Variants in MAGI2 observed in about 807,000 individuals in gnomAD.
MAGI2 encodes the protein membrane-associated guanylate kinase, WW and PDZ domain-containing protein 2.
Under a neutral mutation model 133.3 loss-of-function variants are expected in MAGI2, and 35 were observed. That is an observed-to-expected ratio of 0.26 (90% CI 0.20 to 0.35). MAGI2 has a LOEUF of 0.35. MAGI2 is among the 10% of genes least tolerant of loss of function. The pLI is 1.00. For synonymous variants in MAGI2, 729 were observed against 710.6 expected, an observed-to-expected ratio of 1.03 and a Z score of -0.41; for missense variants, 1,636 against 1,863.4, an observed-to-expected ratio of 0.88 and a Z score of 2.25.
chr7:78,270,197 C>G (rs757435766), intron 9 of MAGI2, among the ~76,000 whole-genome samples: 28 of 152,058 alleles, frequency 1.8e-4, no homozygotes, highest in South Asian at 4.1e-4. Flanking sequence ...AGTCTGATAG[C>G]ATGATGTCTC....
chr7:78,426,530 G>C (rs947050874), intron 6 of MAGI2, among the ~76,000 whole-genome samples: 1 of 151,916 alleles, frequency 6.6e-6, no homozygotes, highest in African/African-American at 2.4e-5. Context: ...TGGGTGCAGC[G>C]CACCAGCATG....
intron 1 of MAGI2, among the ~76,000 whole-genome samples, chr7:79,289,971 A>G (rs1261053979): frequency 6.6e-6 from 1 of 152,050 alleles, no homozygotes. Flanking sequence ...GTGGGATTCC[A>G]GCTCTTCCCA....
At chr7:78,574,927 A>C (rs775567797) in intron 3 of MAGI2, among the ~76,000 whole-genome samples, 1 of 152,218 alleles carries the variant, frequency 6.6e-6, no homozygotes, top group Non-Finnish European at 1.5e-5. Flanking sequence ...GAAAATATTC[A>C]AGACCATGCT....
At chr7:78,060,253 C>T (rs555477306) in intron 21 of MAGI2, among the ~76,000 whole-genome samples, 1 of 125,570 alleles carries the variant, frequency 8.0e-6, no homozygotes, top group Non-Finnish European at 1.8e-5. Flanking sequence ...GACCCCCCCC[C>T]CTCTTTAGAT....
chr7:78,824,052 G>T (rs1790407446), intron 2 of MAGI2, among the ~76,000 whole-genome samples: 1 of 152,220 alleles, frequency 6.6e-6, no homozygotes, highest in Admixed American at 6.5e-5. Flanking sequence ...ATTTAAAAAT[G>T]TAATGTCCAA....
intron 10 of MAGI2, among the ~76,000 whole-genome samples, chr7:78,243,515 A>T (rs1265113648): frequency 6.6e-6 from 1 of 152,154 alleles, no homozygotes; most frequent in East Asian, 1.9e-4. Flanking sequence ...GCTTTTTAAA[A>T]TTTTAAAGCA....
intron 1 of MAGI2, chr7:79,410,548 A>C (rs975722603): frequency 6.6e-6 from 1 of 152,130 alleles, no homozygotes; most frequent in Non-Finnish European, 1.5e-5. Flanking sequence ...GCCAAGGAGG[A>C]GAGCCACCTG....
chr7:78,392,538 G>A (rs757416065), intron 6 of MAGI2, among the ~76,000 whole-genome samples: 7 of 152,182 alleles, frequency 4.6e-5, no homozygotes, highest in Non-Finnish European at 1.0e-4. Flanking sequence ...ATACTAGGTT[G>A]AAGAGTCTGA....
At chr7:79,254,902 C>T (rs911892248) in intron 1 of MAGI2, among the ~76,000 whole-genome samples, 5 of 152,152 alleles carry the variant, frequency 3.3e-5, no homozygotes, top group African/African-American at 1.2e-4. Context: ...TGTTCCAAGA[C>T]TCATTTGAAA....
intron 9 of MAGI2, among the ~76,000 whole-genome samples, chr7:78,260,000 A>G (rs897189959): frequency 1.3e-5 from 2 of 152,202 alleles, no homozygotes; most frequent in Non-Finnish European, 2.9e-5. Flanking sequence ...TCAGGCAAGG[A>G]TAAAGAACAC....
chr7:78,957,986 A>G (rs1008922705), intron 2 of MAGI2, among the ~76,000 whole-genome samples: 3 of 152,168 alleles, frequency 2.0e-5, no homozygotes, highest in African/African-American at 7.2e-5. Context: ...GATTAAGGCA[A>G]TACCTGTAAG....
chr7:78,279,572 AAAG>A (rs1476078390), intron 9 of MAGI2, among the ~76,000 whole-genome samples: 2 of 152,152 alleles, frequency 1.3e-5, no homozygotes, highest in Admixed American at 6.5e-5. Context: ...GCTAGGAAAT[AAAG>A]AAGGGAGAAG....
intron 16 of MAGI2, among the ~76,000 whole-genome samples, chr7:78,147,414 A>G (rs1306203919): frequency 6.6e-6 from 1 of 152,200 alleles, no homozygotes; most frequent in Admixed American, 6.5e-5. Flanking sequence ...TTCTGCTTAT[A>G]TGTACTTTCT....
At chr7:78,379,447 A>G (rs1425664196) in intron 6 of MAGI2, among the ~76,000 whole-genome samples, 1 of 152,016 alleles carries the variant, frequency 6.6e-6, no homozygotes, top group African/African-American at 2.4e-5. Flanking sequence ...AAAGCTTTAA[A>G]TATGACAAGA....
At position 79,453,591 on chromosome 7, in the gene MAGI2, G is replaced by C; in HGVS notation, c.-271C>G. 1 of 1,163,886 alleles carries C rather than the reference G, an allele frequency of 8.6e-7. No individual in the cohort carries two copies. Among genetic ancestry groups the C allele is most frequent in the South Asian group, 3.6e-5 (1 of 27,768 alleles). The allele number at this position is 1,163,886 out of a possible 1,614,324, so 72.1% of individuals were successfully genotyped here. ...CTCAAGGCTGTGGCCCCGCAGCAGA[G>C]GAAGCAGTGGTGGTGGCGTCGGCGG... is the stretch of plus-strand genomic sequence containing the variant. On this transcript the variant is annotated 5_prime_UTR_variant, in exon 1 of 22. Coordinates refer to ENST00000354212, the MANE Select transcript of MAGI2 (RefSeq NM_012301.4).
Position 78,798,645 on chromosome 7 carries a change from G to A in MAGI2, c.419-171406C>T, listed in dbSNP as rs530967958. Among the ~76,000 whole-genome samples, 6 of 152,250 alleles carry A rather than the reference G, an allele frequency of 3.9e-5. No individual in the cohort carries two copies. The South Asian group carries it at 1.2e-3, about 32-fold the overall frequency. On this transcript the variant is annotated intron_variant, in intron 2 of 21. Coordinates refer to ENST00000354212, the MANE Select transcript of MAGI2 (RefSeq NM_012301.4). ...GCTTCAGGATGAATACTGAATGAGA[G>A]GCCACAGTCCTGTGGTCATTTCCCA...
chr7:79,345,063 G>T (rs1028383117), intron 1 of MAGI2, among the ~76,000 whole-genome samples: 2 of 152,004 alleles, frequency 1.3e-5, no homozygotes, highest in African/African-American at 4.8e-5. Context: ...GGGTTGAATT[G>T]TGTCCTCCTA....
intron 6 of MAGI2, among the ~76,000 whole-genome samples, chr7:78,470,594 T>C (rs1233076277): frequency 6.6e-6 from 1 of 152,130 alleles, no homozygotes; most frequent in Non-Finnish European, 1.5e-5. Flanking sequence ...AGATCATTTT[T>C]GGGCATGCAG....
chr7:78,060,198 A>G (rs1480770644), intron 21 of MAGI2, among the ~76,000 whole-genome samples: 1 of 151,884 alleles, frequency 6.6e-6, no homozygotes, highest in South Asian at 2.1e-4. Context: ...GATACATTAC[A>G]TGAGAATAAG....
Sources: allele counts gnomAD v4.1 joint callset (sites outside exome capture counted in the v4.1 genomes callset), GRCh38; gene constraint gnomAD v4.1.1; transcripts MANE v1.5; gene names NCBI Gene and HGNC (gene_info 2026-07-23, HGNC 2026-07-21).